HPSE2: variants seen among roughly 807,000 people sequenced by gnomAD.
HPSE2 encodes the protein heparanase 2 (inactive), also known as inactive heparanase-2.
In HPSE2, 38 loss-of-function variants were observed where a neutral mutation model predicts 60.5. That is an observed-to-expected ratio of 0.63 (90% CI 0.48 to 0.82). The LOEUF is 0.82. Ranked by LOEUF, HPSE2 falls within the 40% of genes least tolerant of loss-of-function variation. The pLI, the probability that HPSE2 is intolerant of heterozygous loss-of-function variation, is 0.00. For missense variants in HPSE2, 713 were observed against 740.4 expected (o/e 0.96, Z 0.43); for synonymous variants, 295 against 293.2 (o/e 1.01, Z -0.06).
chr10:98,810,152 T>C (rs896329676), intron 3 of HPSE2, among the ~76,000 whole-genome samples: 11 of 152,244 alleles, frequency 7.2e-5, no homozygotes, highest in African/African-American at 1.9e-4. Context: ...TGCCTTTCAC[T>C]ATCTCTCCAC....
At position 98,726,064 on chromosome 10, in the gene HPSE2, G is replaced by T. The variant is rs184759541; in HGVS notation, c.785-4236C>A. Among the ~76,000 whole-genome samples, 3 of 152,318 alleles carry T rather than the reference G, an allele frequency of 2.0e-5. No homozygotes were observed. The East Asian group carries it at 5.8e-4, about 29-fold the overall frequency. ...ACTGTAAACTAGTTCAACCATTGTG[G>T]AAGTTGGTGTGGCAATTCCTCAGGG... On this transcript the variant is annotated intron_variant, in intron 4 of 11. Coordinates refer to ENST00000370552, the MANE Select transcript of HPSE2 (RefSeq NM_021828.5).
intron 9 of HPSE2, among the ~76,000 whole-genome samples, chr10:98,510,040 T>C (rs953902694): frequency 6.6e-6 from 1 of 152,024 alleles, no homozygotes; most frequent in Non-Finnish European, 1.5e-5. Context: ...GGGAGCATAC[T>C]AAAAGAAAAA....
At chr10:98,967,533 G>A (rs530431041) in intron 3 of HPSE2, among the ~76,000 whole-genome samples, 7 of 151,962 alleles carry the variant, frequency 4.6e-5, no homozygotes, top group Non-Finnish European at 5.9e-5. Flanking sequence ...TTGGTTTCTC[G>A]ATTGGAAAAA....
At chr10:98,480,860 C>CA (rs111731105) in intron 11 of HPSE2, among the ~76,000 whole-genome samples, 14,957 of 152,182 alleles carry the variant, frequency 0.098, 947 homozygotes, top group African/African-American at 0.19. Flanking sequence ...AAAAGGAAGG[C>CA]AATGGATATT....
intron 4 of HPSE2, among the ~76,000 whole-genome samples, chr10:98,727,679 C>CAA (rs138235341): frequency 3.3e-4 from 48 of 145,448 alleles, no homozygotes; most frequent in African/African-American, 6.6e-4. Context: ...ACAACAACAA[C>CAA]AAAAAAAAAC....
intron 2 of HPSE2, among the ~76,000 whole-genome samples, chr10:99,219,790 T>G (rs1318247238): frequency 6.6e-6 from 1 of 152,214 alleles, no homozygotes; most frequent in Non-Finnish European, 1.5e-5. Flanking sequence ...ATTATTTTTC[T>G]CCTGCAGACA....
At chr10:98,958,359 T>TA (rs201182335) in intron 3 of HPSE2, among the ~76,000 whole-genome samples, 9 of 150,452 alleles carry the variant, frequency 6.0e-5, no homozygotes, top group Non-Finnish European at 8.9e-5. Flanking sequence ...ATAACAAGGT[T>TA]AAAAAAAAAT....
At chr10:98,925,676 T>C (rs915727955) in intron 3 of HPSE2, among the ~76,000 whole-genome samples, 1 of 152,202 alleles carries the variant, frequency 6.6e-6, no homozygotes, top group Non-Finnish European at 1.5e-5. Flanking sequence ...GGCTCCCTAC[T>C]CAGCCTTTGT....
At chr10:99,011,476 G>C (rs986572563) in intron 3 of HPSE2, among the ~76,000 whole-genome samples, 1 of 151,872 alleles carries the variant, frequency 6.6e-6, no homozygotes, top group Non-Finnish European at 1.5e-5. Context: ...AAGATATACA[G>C]GCTGGGCGTG....
chr10:98,974,852 T>G (rs1004690661), intron 3 of HPSE2, among the ~76,000 whole-genome samples: 4 of 152,214 alleles, frequency 2.6e-5, no homozygotes, highest in African/African-American at 9.6e-5. Context: ...GTAGCGGTAC[T>G]AATATTATTT....
chr10:98,941,782 A>T (rs1384379214), intron 3 of HPSE2, among the ~76,000 whole-genome samples: 1 of 138,658 alleles, frequency 7.2e-6, no homozygotes, highest in African/African-American at 3.1e-5. Context: ...GTCAATCCTA[A>T]GCCAAAAGAA....
intron 9 of HPSE2, among the ~76,000 whole-genome samples, chr10:98,603,628 C>T (rs1387523078): frequency 1.3e-5 from 2 of 151,948 alleles, no homozygotes; most frequent in African/African-American, 2.4e-5. Context: ...CGGGGTTTCA[C>T]CATGTTGGGC....
rs532807134 is a variant in HPSE2 at position 98,979,833 on chromosome 10, C to T, written c.610+164405G>A. Among the ~76,000 whole-genome samples, 6 of 152,108 alleles carry T rather than the reference C, an allele frequency of 3.9e-5. No individual in the cohort carries two copies. The East Asian group carries it at 9.6e-4, about 24-fold the overall frequency. Reference sequence around the variant, plus strand: ...GATATTTAAGCAACAAAAGCAGAAGCGTTAGAGAAGGAATTTTCAAGAAGA... The same window carrying T: ...GATATTTAAGCAACAAAAGCAGAAGTGTTAGAGAAGGAATTTTCAAGAAGA... On this transcript the variant is annotated intron_variant, in intron 3 of 11. Transcript: ENST00000370552.
intron 3 of HPSE2, among the ~76,000 whole-genome samples, chr10:99,123,289 T>C (rs1477397365): frequency 6.6e-6 from 1 of 152,084 alleles, no homozygotes; most frequent in African/African-American, 2.4e-5. Flanking sequence ...TAAAAAGGCA[T>C]AGAATATGAA....
chr10:98,560,827 T>C (rs1944152045), intron 9 of HPSE2, among the ~76,000 whole-genome samples: 1 of 151,474 alleles, frequency 6.6e-6, no homozygotes, highest in Non-Finnish European at 1.5e-5. Flanking sequence ...ACTCACGTGT[T>C]TGTGGTAATC....
At chr10:98,684,499 C>A (rs994978754) in intron 6 of HPSE2, among the ~76,000 whole-genome samples, 1 of 152,096 alleles carries the variant, frequency 6.6e-6, no homozygotes, top group Non-Finnish European at 1.5e-5. Context: ...TACCACATGT[C>A]CCTGCTGTGA....
chr10:98,546,136 G>T (rs1379897674), intron 9 of HPSE2, among the ~76,000 whole-genome samples: 1 of 135,728 alleles, frequency 7.4e-6, no homozygotes, highest in East Asian at 2.6e-4. Flanking sequence ...ACAAGCCACT[G>T]CTCAATGAAA....
intron 3 of HPSE2, among the ~76,000 whole-genome samples, chr10:99,081,128 A>G (rs1589624559): frequency 6.6e-6 from 1 of 152,224 alleles, no homozygotes; most frequent in East Asian, 1.9e-4. Context: ...AACCAAAAGT[A>G]GAGAATGTTG....
chr10:99,267,189 C>T, the HPSE2 span, among the ~76,000 whole-genome samples: 1 of 151,778 alleles, frequency 6.6e-6, no homozygotes. Flanking sequence ...TTCAGAAGGT[C>T]GATTATTAAG....
Sources: gnomAD v4.1 joint callset for allele counts (sites outside exome capture counted in the v4.1 genomes callset) on GRCh38, gnomAD v4.1.1 for gene constraint, MANE v1.5 for transcripts, NCBI Gene and HGNC (gene_info 2026-07-23, HGNC 2026-07-21) for gene names.